Variants in BMX observed in about 807,000 individuals in gnomAD.
BMX encodes the protein BMX non-receptor tyrosine kinase.
In BMX, 31 loss-of-function variants were observed where a neutral mutation model predicts 59.2. The ratio of observed to expected loss-of-function variants is 0.52; its 90% CI spans 0.39 to 0.71. The LOEUF (loss-of-function observed/expected upper bound fraction) is 0.71, where lower values mean the gene tolerates loss of function less well. Among genes scored for constraint, BMX ranks in the 30% least tolerant of loss-of-function variants. The pLI is 0.00. For missense variants in BMX, 474 were observed against 491.7 expected, an observed-to-expected ratio of 0.96 and a Z score of 0.34; for synonymous variants, 185 against 181.0, an observed-to-expected ratio of 1.02 and a Z score of -0.18.
chrX:15,539,683 T>C (rs1356105889), intron 14 of BMX, among the ~76,000 whole-genome samples: 1 of 112,589 alleles, frequency 8.9e-6, no homozygotes, highest in East Asian at 2.8e-4. Flanking sequence ...AAATTTAGAT[T>C]TCTTTACACA....
At chrX:15,529,858 G>T in intron 9 of BMX, 115 bp from the exon 10 acceptor site, 1 of 577,236 alleles carries the variant, frequency 1.7e-6, no homozygotes, top group Non-Finnish European at 2.8e-6. Context: ...GAGCAGTTAG[G>T]CTTGGAAACC....
At chrX:15,552,340 C>T (rs569723579) in intron 18 of BMX, among the ~76,000 whole-genome samples, 3 of 112,015 alleles carry the variant, frequency 2.7e-5, no homozygotes, top group African/African-American at 9.7e-5. Context: ...GGGTCACCCT[C>T]TTCCCCGATT....
intron 1 of BMX, among the ~76,000 whole-genome samples, chrX:15,505,486 A>G (rs1232653399): frequency 8.9e-6 from 1 of 112,115 alleles, no homozygotes; most frequent in Non-Finnish European, 1.9e-5. Context: ...ATGTGAACCC[A>G]TCTTTGAGAA....
At chrX:15,537,953 C>T (rs901370784) in intron 14 of BMX, among the ~76,000 whole-genome samples, 3 of 110,560 alleles carry the variant, frequency 2.7e-5, no homozygotes, top group African/African-American at 9.9e-5. Flanking sequence ...GGATGAAGAA[C>T]AGAGTGGGGC....
rs1926363308 is a variant in BMX, at chrX:15,555,067, A to G, written c.1954-1006A>G. ...TTTTACATATTTTTTAATTCTATAA[A>G]CCAAAGAATCAATTTGTTTAGCTTG... On this transcript the variant is annotated intron_variant, in intron 18 of 18. Coordinates refer to ENST00000348343, the MANE Select transcript of BMX (RefSeq NM_203281.3). 2.7e-5 allele frequency among the ~76,000 whole-genome samples: 3 copies of G among 111,194 alleles called. No individual in the cohort carries two copies. In the South Asian group the frequency reaches 1.1e-3, roughly 42 times the overall value.
At chrX:15,506,012 C>T (rs1923726900) in intron 1 of BMX, among the ~76,000 whole-genome samples, 2 of 111,132 alleles carry the variant, frequency 1.8e-5, no homozygotes, top group Non-Finnish European at 3.8e-5. Flanking sequence ...GCCTCAGCCT[C>T]CCTAGTAGCT....
intron 2 of BMX, among the ~76,000 whole-genome samples, 158 bp downstream of exon 2, chrX:15,508,649 T>C (rs1923832890): frequency 8.9e-6 from 1 of 112,521 alleles, no homozygotes; most frequent in Non-Finnish European, 1.9e-5. Context: ...TTAATGAAAG[T>C]ATAATGAATT....
intron 9 of BMX, among the ~76,000 whole-genome samples, chrX:15,527,283 T>TATATATATATATATATACAC (rs1285065649): frequency 1.5e-5 from 1 of 65,867 alleles, no homozygotes; most frequent in Non-Finnish European, 2.7e-5. Flanking sequence ...TATATATATA[T>TATATATATATATATATACAC]ACACACACAC....
chrX:15,555,201 CTTTTTTTTTTT>C (rs34118728), intron 18 of BMX, among the ~76,000 whole-genome samples: 1 of 41,603 alleles, frequency 2.4e-5, no homozygotes, highest in African/African-American at 9.0e-5. Flanking sequence ...ACGAGGGAAG[CTTTTTTTTTTT>C]TTTTTTTTTT....
At chrX:15,529,842 T>G (rs1350406598) in intron 9 of BMX, 131 bp from the exon 10 acceptor site, 1 of 461,785 alleles carries the variant, frequency 2.2e-6, no homozygotes, top group East Asian at 3.8e-5. Flanking sequence ...CTCAAATCAT[T>G]CTCTGGAGCA....
At chrX:15,544,011 C>G (rs1249149280) in intron 16 of BMX, among the ~76,000 whole-genome samples, 1 of 111,344 alleles carries the variant, frequency 9.0e-6, no homozygotes. Context: ...TCCCTGCTCT[C>G]AAAATGACCA....
At position 15,504,101 on chromosome X, in the gene BMX, T is replaced by C. The variant is rs145770623; in HGVS notation, c.-10+3161T>C. ...CTCATCCTTCAAAGTCTAATTTCAA[T>C]GTGCTCCCTTCTAAAATACCTTACT... On this transcript the variant is annotated intron_variant, in intron 1 of 18. Transcript: ENST00000348343. Among the ~76,000 whole-genome samples the C allele has an allele frequency of 3.6e-3, 399 of 112,099 alleles. 1 individual carries two copies. The highest frequency in any genetic ancestry group is 0.013 in the African/African-American group (386 of 30,835).
chrX:15,506,868 A>G (rs1047211277), intron 1 of BMX, among the ~76,000 whole-genome samples: 1 of 112,834 alleles, frequency 8.9e-6, no homozygotes, highest in Non-Finnish European at 1.9e-5. Flanking sequence ...TATCCCAGGG[A>G]AAAAGTAACC....
chrX:15,551,684 A>G (rs1414855486), intron 18 of BMX, among the ~76,000 whole-genome samples: 1 of 111,091 alleles, frequency 9.0e-6, no homozygotes, highest in Admixed American at 9.6e-5. Context: ...TGATTGCATC[A>G]CATAACAATA....
intron 9 of BMX, among the ~76,000 whole-genome samples, chrX:15,527,338 A>G (rs1407935849): frequency 9.6e-6 from 1 of 104,120 alleles, no homozygotes; most frequent in Non-Finnish European, 2.0e-5. Context: ...CAAAAATTAA[A>G]ATAAAAATTA....
chrX:15,507,994 A>C (rs1923805286), intron 1 of BMX, among the ~76,000 whole-genome samples: 1 of 111,922 alleles, frequency 8.9e-6, no homozygotes, highest in Admixed American at 9.5e-5. Flanking sequence ...AAGTTTTATT[A>C]TATCCAATTC....
chrX:15,526,353 C>T (rs746702489), intron 9 of BMX, among the ~76,000 whole-genome samples: 2 of 112,060 alleles, frequency 1.8e-5, no homozygotes, highest in Admixed American at 9.4e-5. Flanking sequence ...GTATGTCCAG[C>T]GTCACCTTCA....
chrX:15,543,193 A>G (rs1007234104), intron 16 of BMX, 58 bp downstream of exon 16: 1 of 1,100,425 alleles, frequency 9.1e-7, no homozygotes, highest in South Asian at 1.9e-5. Flanking sequence ...ACATTTGAAC[A>G]CCATCATAAT....
chrX:15,541,792 A>T (rs1277233624), intron 14 of BMX, among the ~76,000 whole-genome samples, 190 bp from the exon 15 acceptor site: 3 of 109,467 alleles, frequency 2.7e-5, no homozygotes, highest in African/African-American at 6.6e-5. Flanking sequence ...TGAGGCAGAA[A>T]TTTTTTTTGC....
Sources: gnomAD v4.1 joint callset for allele counts (sites outside exome capture counted in the v4.1 genomes callset) on GRCh38, gnomAD v4.1.1 for gene constraint, MANE v1.5 for transcripts, NCBI Gene and HGNC (gene_info 2026-07-23, HGNC 2026-07-21) for gene names.